The following MAPT variants were observed in gnomAD, a reference collection of about 807,000 sequenced individuals.
MAPT encodes microtubule-associated protein tau.
Under a neutral mutation model 67.9 loss-of-function variants are expected in MAPT, and 34 were observed. That is an observed-to-expected ratio of 0.50 (90% CI 0.38 to 0.67). The LOEUF (loss-of-function observed/expected upper bound fraction) is 0.67. Ranked by LOEUF, MAPT falls within the 30% of genes least tolerant of loss-of-function variation. The pLI is 0.00. For missense variants in MAPT, 881 were observed against 1,115.2 expected, an observed-to-expected ratio of 0.79 and a Z score of 2.99; for synonymous variants, 456 against 464.5, an observed-to-expected ratio of 0.98 and a Z score of 0.23.
Position 46,025,363 on chromosome 17 carries a change from C to T in MAPT, c.*1192C>T, listed in dbSNP as rs1271430916. 2 of 148,990 alleles carry T rather than the reference C, an allele frequency of 1.3e-5. No individual in the cohort carries two copies. The highest frequency in any genetic ancestry group is 4.8e-5 in the African/African-American group (2 of 41,306). The allele number at this position is 148,990 out of a possible 1,614,324, so 9.2% of individuals were successfully genotyped here. ...TCTGCCGTGAGAGCCCAATCACTGCCTATACCCCTCATCACACGTCACAAT... is the reference window on the plus strand; with the variant it reads ...TCTGCCGTGAGAGCCCAATCACTGCTTATACCCCTCATCACACGTCACAAT... On this transcript the variant is annotated 3_prime_UTR_variant, in exon 13 of 13. Coordinates refer to ENST00000262410, the MANE Select transcript of MAPT (RefSeq NM_001377265.1).
At chr17:46,023,820 G>T (rs778167406) in intron 12 of MAPT, 136 bp from the exon 13 acceptor site, 1 of 749,530 alleles carries the variant, frequency 1.3e-6, no homozygotes, top group Non-Finnish European at 2.3e-6. Context: ...TAGCCTGGGC[G>T]ATAGAGCAAG....
intron 1 of MAPT, among the ~76,000 whole-genome samples, chr17:45,940,190 G>C (rs943818462): frequency 6.6e-6 from 1 of 152,196 alleles, no homozygotes; most frequent in African/African-American, 2.4e-5. Flanking sequence ...TCAAATGCAT[G>C]GATTTGATGC....
intron 10 of MAPT, among the ~76,000 whole-genome samples, chr17:46,011,351 G>A (rs771592720): frequency 8.5e-5 from 13 of 152,168 alleles, no homozygotes; most frequent in Non-Finnish European, 1.5e-4. Context: ...AGCCATGATC[G>A]CGCCACTGCA....
intron 1 of MAPT, among the ~76,000 whole-genome samples, chr17:45,934,549 C>T (rs1476761020): frequency 2.0e-5 from 3 of 152,136 alleles, no homozygotes; most frequent in Non-Finnish European, 2.9e-5. Context: ...GTATGTCCTG[C>T]GGGCTCCTCT....
intron 1 of MAPT, among the ~76,000 whole-genome samples, chr17:45,943,029 G>A (rs994154114): frequency 6.6e-6 from 1 of 152,146 alleles, no homozygotes; most frequent in Non-Finnish European, 1.5e-5. Context: ...GACAGAATTC[G>A]GAGATGTGTA....
intron 1 of MAPT, among the ~76,000 whole-genome samples, chr17:45,919,470 C>T (rs1488256106): frequency 2.0e-5 from 3 of 152,240 alleles, no homozygotes; most frequent in African/African-American, 2.4e-5. Context: ...GCCGGATCCA[C>T]GAACGGCCTT....
intron 1 of MAPT, among the ~76,000 whole-genome samples, chr17:45,922,448 C>A (rs1209703647): frequency 6.6e-6 from 1 of 150,738 alleles, no homozygotes; most frequent in East Asian, 1.9e-4. Context: ...CACTGGGCTG[C>A]TGAGGAACTG....
Position 46,010,882 on chromosome 17 carries a change from C to T in MAPT, c.2091+480C>T, listed in dbSNP as rs2075778486. 1.3e-5 allele frequency among the ~76,000 whole-genome samples: 2 copies of T among 152,228 alleles called. No homozygotes were observed. The highest frequency in any genetic ancestry group is 1.9e-4 in the East Asian group (1 of 5,186). On this transcript the variant is annotated intron_variant, in intron 10 of 12. Coordinates refer to ENST00000262410, the MANE Select transcript of MAPT (RefSeq NM_001377265.1). This position sits in a 1 kb window ranked among gnomAD's most constrained non-coding sequence, Gnocchi z 4.7. ...GTGGCTCCACTGTGGACAGGTGACC[C>T]GTTTGTTCTGATGAGCGGACACCAA...
Position 45,967,427 on chromosome 17 carries a change from A to G in MAPT, c.134-4432A>G, listed in dbSNP as rs56227376. On this transcript the variant is annotated intron_variant, in intron 2 of 12. Coordinates refer to ENST00000262410, the MANE Select transcript of MAPT (RefSeq NM_001377265.1). ...GCAGTCAAGGCTGCTGAAAAATAAC[A>G]AAACCCAGAAGTCTGCGTGATGCTG... Among the ~76,000 whole-genome samples the G allele has an allele frequency of 3.5e-3, 527 of 152,348 alleles. 2 individuals are homozygous for G. The highest frequency in any genetic ancestry group is 0.012 in the African/African-American group (499 of 41,582).
At chr17:45,943,692 T>C (rs2068199262) in intron 1 of MAPT, among the ~76,000 whole-genome samples, 1 of 152,140 alleles carries the variant, frequency 6.6e-6, no homozygotes, top group African/African-American at 2.4e-5. Flanking sequence ...CCTGGGTGCA[T>C]TACCCGAAAG....
At chr17:46,004,933 G>A (rs1054482057) in intron 9 of MAPT, among the ~76,000 whole-genome samples, 17 of 152,018 alleles carry the variant, frequency 1.1e-4, no homozygotes, top group African/African-American at 1.9e-4. Flanking sequence ...GCAGGTGCCC[G>A]CCACCACACC....
intron 2 of MAPT, among the ~76,000 whole-genome samples, chr17:45,964,294 G>A (rs747979821): frequency 5.3e-5 from 8 of 151,970 alleles, no homozygotes; most frequent in Middle Eastern, 3.4e-3. Context: ...TGCCATGTTG[G>A]TGTGCTGCAC....
At chr17:45,943,698 G>A (rs1000646062) in intron 1 of MAPT, among the ~76,000 whole-genome samples, 2 of 152,110 alleles carry the variant, frequency 1.3e-5, no homozygotes, top group African/African-American at 2.4e-5. Context: ...TGCATTACCC[G>A]AAAGCTGAGA....
At chr17:45,903,532 T>G (rs1230652705) in intron 1 of MAPT, among the ~76,000 whole-genome samples, 1 of 150,768 alleles carries the variant, frequency 6.6e-6, no homozygotes, top group Non-Finnish European at 1.5e-5. Flanking sequence ...ATCCTGGCTT[T>G]GTGAAACCCC....
intron 1 of MAPT, among the ~76,000 whole-genome samples, chr17:45,928,407 C>T (rs1298968282): frequency 6.6e-6 from 1 of 151,942 alleles, no homozygotes; most frequent in East Asian, 1.9e-4. Context: ...CCACACTACA[C>T]AGGTGTCCCA....
At chr17:45,933,268 G>C (rs1568192812) in intron 1 of MAPT, among the ~76,000 whole-genome samples, 1 of 133,806 alleles carries the variant, frequency 7.5e-6, no homozygotes, top group African/African-American at 2.6e-5. Context: ...TTGAGACAGA[G>C]TCTCTCTCTC....
In MAPT at chr17:45,971,514, G is replaced by A. The variant is rs573382285; in HGVS notation, c.134-345G>A. ...CAATGACAAAGCAGAAGGTTCATGC[G>A]TAGCTCGGCTTTCTGGTATTTGCTG... On this transcript the variant is annotated intron_variant, in intron 2 of 12. Transcript: ENST00000262410. This position sits in a 1 kb window ranked among gnomAD's most constrained non-coding sequence, Gnocchi z 4.3. 2.8e-4 allele frequency among the ~76,000 whole-genome samples: 43 copies of A among 152,310 alleles called. No individual in the cohort carries two copies. Among genetic ancestry groups the A allele is most frequent in the African/African-American group, 9.4e-4 (39 of 41,554 alleles).
intron 1 of MAPT, among the ~76,000 whole-genome samples, chr17:45,926,937 A>ACATATATATACATATATGTG (rs2066367877): frequency 9.0e-6 from 1 of 111,654 alleles, no homozygotes; most frequent in Non-Finnish European, 2.4e-5. Context: ...ACATATATAC[A>ACATATATATACATATATGTG]CATATATATA....
rs371853065 is a variant in MAPT, at chr17:45,928,803, C to A, written c.-17-33518C>A. Among the ~76,000 whole-genome samples, 8 of 152,318 alleles carry A rather than the reference C, an allele frequency of 5.3e-5. No homozygotes were observed. The South Asian group carries it at 8.3e-4, about 16-fold the overall frequency. ...CTCCGCCTCTCGGGTTCACACCATT[C>A]TCCTGCCTCAGCCTCCTGAGTGGCT... On this transcript the variant is annotated intron_variant, in intron 1 of 12. Coordinates refer to ENST00000262410, the MANE Select transcript of MAPT (RefSeq NM_001377265.1).
Sources: gnomAD v4.1 joint callset for allele counts (sites outside exome capture counted in the v4.1 genomes callset) on GRCh38, gnomAD v4.1.1 for gene constraint, Gnocchi (gnomAD v3.1) non-coding constraint, MANE v1.5 for transcripts, NCBI Gene and HGNC (gene_info 2026-07-23, HGNC 2026-07-21) for gene names.